CYP4F2: variants seen among roughly 807,000 people sequenced by gnomAD.
CYP4F2 encodes cytochrome P450 family 4 subfamily F member 2, also known as cytochrome P450 4F2.
Under a neutral mutation model 58.9 loss-of-function variants are expected in CYP4F2, and 58 were observed. That is an observed-to-expected ratio of 0.98 (90% CI 0.80 to 1.23). The LOEUF (loss-of-function observed/expected upper bound fraction) is 1.23. Among genes scored for constraint, CYP4F2 ranks in the 50% most tolerant of loss-of-function variants. The pLI, the probability that CYP4F2 is intolerant of heterozygous loss-of-function variation, is 0.00. For synonymous variants in CYP4F2, 287 were observed against 261.1 expected (o/e 1.10, Z -0.95); for missense variants, 616 against 685.6 (o/e 0.90, Z 1.13).
chr19:15,897,322 AG>A, intron 2 of CYP4F2, 91 bp downstream of exon 2: 6 of 669,308 alleles, frequency 9.0e-6, no homozygotes, highest in East Asian at 4.1e-5. Context: ...CCCAGATCCC[AG>A]CCCACCCCTT....
intron 3 of CYP4F2, chr19:15,893,707 TG>T (rs1283992634): frequency 5.1e-6 from 1 of 194,764 alleles, no homozygotes; most frequent in Non-Finnish European, 1.2e-5. Context: ...ACCCCAGCTG[TG>T]GGCAAAGCTT....
rs183179207 is a variant in CYP4F2, at chr19:15,892,626, A to G, written c.344-44T>C. 121 of 1,600,626 alleles carry G rather than the reference A, an allele frequency of 7.6e-5. No homozygotes were observed. In the Admixed American group the frequency reaches 1.9e-3, roughly 24 times the overall value. ...ATCAGGGGCCATGGAGGCAGGTGAA[A>G]GAGGGACTTTGGGGGTGGGTGGAGG... is the stretch of plus-strand genomic sequence containing the variant. On this transcript the variant is annotated intron_variant, in intron 3 of 12. Transcript: ENST00000221700.
In CYP4F2 at chr19:15,892,556, A is replaced by G; in HGVS notation, c.370T>C (p.Phe124Leu). 1 of 1,614,158 alleles carries G rather than the reference A, an allele frequency of 6.2e-7. No homozygotes were observed. The highest frequency in any genetic ancestry group is 8.5e-7 in the Non-Finnish European group (1 of 1,180,018). ...SAAIAPKDKF[F>L]YSFLEPWLGD... The stretch of plus-strand genomic sequence containing the variant: ...AGCCAGGGCTCCAGGAAGCTGTAGA[A>G]GAACTTGTCCTTTGGTGCAATGGCA... The change falls in exon 4 of 13, where the codon TTC becomes CTC. Residue 124 changes from phenylalanine (F) to leucine (L), a missense_variant. Transcript: ENST00000221700.
chr19:15,878,662 T>C lies in CYP4F2; in HGVS notation c.*109A>G, dbSNP rs2089320559. On this transcript the variant is annotated 3_prime_UTR_variant, in exon 13 of 13. Transcript: ENST00000221700. ...TTGTCTCAATTATTTTGAGTAGATATCTAGGATGGAATACAGGACTGTGGA... is the reference window on the plus strand; with the variant it reads ...TTGTCTCAATTATTTTGAGTAGATACCTAGGATGGAATACAGGACTGTGGA... The C allele has an allele frequency of 1.8e-5, 25 of 1,361,166 alleles. 1 individual carries two copies. In the South Asian group the frequency reaches 3.7e-4, roughly 20 times the overall value. 84.3% of individuals were successfully genotyped at this position (1,361,166 alleles called of 1,614,324 possible).
At chr19:15,884,294 C>G (rs1444033901) in intron 9 of CYP4F2, among the ~76,000 whole-genome samples, 3 of 151,722 alleles carry the variant, frequency 2.0e-5, no homozygotes, top group Non-Finnish European at 4.4e-5. Flanking sequence ...CATGTGGGAG[C>G]TGAAAAAGTG....
At chr19:15,881,335 A>G (rs1341515814) in intron 9 of CYP4F2, among the ~76,000 whole-genome samples, 9 of 152,238 alleles carry the variant, frequency 5.9e-5, no homozygotes, top group African/African-American at 2.2e-4. Context: ...TCGAGTGAAA[A>G]CAAGTTACAA....
At chr19:15,884,581 A>T (rs2089364831) in intron 9 of CYP4F2, among the ~76,000 whole-genome samples, 1 of 152,234 alleles carries the variant, frequency 6.6e-6, no homozygotes, top group African/African-American at 2.4e-5. Context: ...GTATTAGATT[A>T]TCACATGTAT....
chr19:15,884,233 G>T (rs1181017775), intron 9 of CYP4F2, among the ~76,000 whole-genome samples: 1 of 152,100 alleles, frequency 6.6e-6, no homozygotes, highest in South Asian at 2.1e-4. Flanking sequence ...GGTCACTGTG[G>T]TAAGTAAATA....
At position 15,892,447 on chromosome 19, in the gene CYP4F2, A is replaced by C; in HGVS notation, c.398-11T>G. 2 of 1,614,204 alleles carry C rather than the reference A, an allele frequency of 1.2e-6. No individual in the cohort carries two copies. The highest frequency in any genetic ancestry group is 1.7e-6 in the Non-Finnish European group (2 of 1,180,024). On this transcript the variant is annotated splice_polypyrimidine_tract_variant and intron_variant, in intron 4 of 12. Transcript: ENST00000221700. ...GCAGGAGCCCATCCCCTAGCAGGGC[A>C]GCCAAGGGCCATGGGCAAGGACCTC...
Position 15,879,661 on chromosome 19 carries a change from G to A in CYP4F2, c.1257C>T (p.Ile419=), listed in dbSNP as rs1486432800. ...PDGRVIPKGI[I]CLISVFGTHH... ...GGGTTCCGAAAACACTGATGAGGCA[G>A]ATAATGCCTGTGGGAGAGAAGGGAG... is the stretch of plus-strand genomic sequence containing the variant. Residue 419 remains isoleucine, a synonymous_variant, in exon 11 of 13, where the codon ATC becomes ATT. Coordinates refer to ENST00000221700, the MANE Select transcript of CYP4F2 (RefSeq NM_001082.5). 6.2e-7 allele frequency: 1 copy of A among 1,614,220 alleles called. No homozygotes were observed. The highest frequency in any genetic ancestry group is 1.7e-5 in the Admixed American group (1 of 60,028).
In CYP4F2 at chr19:15,885,946, G is replaced by T. The variant is rs200373927; in HGVS notation, c.1093C>A (p.Arg365Ser). The T allele has an allele frequency of 7.4e-6, 12 of 1,613,806 alleles. No individual in the cohort carries two copies. The South Asian group carries it at 9.9e-5, about 13-fold the overall frequency. ...RQEVQELLKD[R>S]EPKEIEWDDL... is the part of the protein sequence containing the mutation. Reference sequence around the variant, plus strand: ...CACCATTCAATCTCTTTAGGCTCACGGTCCTTCAGAAGTTCTTGCACCTCC... The same window carrying T: ...CACCATTCAATCTCTTTAGGCTCACTGTCCTTCAGAAGTTCTTGCACCTCC... The change falls in exon 9 of 13, where the codon CGT becomes AGT. Residue 365 changes from arginine (R) to serine (S), a missense_variant. Transcript: ENST00000221700.
chr19:15,879,835 G>A lies in CYP4F2; in HGVS notation c.1178C>T (p.Pro393Leu), dbSNP rs1204517299. The change falls in exon 10 of 13, where the codon CCC becomes CTC. Residue 393 changes from proline to leucine, a missense_variant. By Grantham distance (98) the Pro-to-Leu change is moderately conservative. Coordinates refer to ENST00000221700, the MANE Select transcript of CYP4F2 (RefSeq NM_001082.5). ...ATGGCGGGAGATGACCGGGACTGGG[G>A]GATGCAGCCGCAGGCTCTCCTTCAT... is the stretch of plus-strand genomic sequence containing the variant. ...MCMKESLRLH[P>L]PVPVISRHVT... is the part of the protein sequence containing the mutation. 6.2e-7 allele frequency: 1 copy of A among 1,614,154 alleles called. No individual in the cohort carries two copies. The highest frequency in any genetic ancestry group is 1.1e-5 in the South Asian group (1 of 91,080).
chr19:15,892,951 T>C (rs2089425862), intron 3 of CYP4F2, among the ~76,000 whole-genome samples: 1 of 152,142 alleles, frequency 6.6e-6, no homozygotes, highest in Admixed American at 6.5e-5. Flanking sequence ...CTCTCTGACA[T>C]CTTCTGATAT....
Position 15,878,934 on chromosome 19 carries a change from T to A in CYP4F2, c.1400A>T (p.Asn467Ile). ...CATCGCGAACGTCTGCCCGATGCAG[T>A]TCCTAGGGGAGGGAGGTGGGAACTC... Reference protein sequence around the residue: ...AFIPFSAGPRNCIGQTFAMAE... With the variant: ...AFIPFSAGPRICIGQTFAMAE... Residue 467 changes from asparagine to isoleucine, a missense_variant and splice_region_variant, in exon 13 of 13, where the codon AAC becomes ATC. By Grantham distance (149) the Asn-to-Ile change is moderately radical (BLOSUM62 -3). Coordinates refer to ENST00000221700, the MANE Select transcript of CYP4F2 (RefSeq NM_001082.5). 1 of 1,613,100 alleles carries A rather than the reference T, an allele frequency of 6.2e-7. No individual in the cohort carries two copies. Among genetic ancestry groups the A allele is most frequent in the South Asian group, 1.1e-5 (1 of 90,964 alleles).
chr19:15,889,769 A>C lies in CYP4F2; in HGVS notation c.648-76T>G, dbSNP rs2089405977. The C allele has an allele frequency of 3.8e-6, 6 of 1,574,960 alleles. No individual in the cohort carries two copies. The African/African-American group carries it at 8.1e-5, about 21-fold the overall frequency. On this transcript the variant is annotated intron_variant, in intron 6 of 12. Transcript: ENST00000221700. ...CCAGGATCACCTCCCACCAGCAGCC[A>C]GGATCTACCTCCTATCAGTAAACAG...
At chr19:15,891,706 G>T (rs185145697) in intron 5 of CYP4F2, among the ~76,000 whole-genome samples, 1 of 152,278 alleles carries the variant, frequency 6.6e-6, no homozygotes, top group East Asian at 1.9e-4. Context: ...AACCCTGCCT[G>T]CATTGTGAAC....
Position 15,889,635 on chromosome 19 carries a change from G to A in CYP4F2, c.706C>T (p.His236Tyr). Residue 236 changes from histidine (H) to tyrosine (Y), a missense_variant, in exon 7 of 13, where the codon CAC becomes TAC. Transcript: ENST00000221700. Reference protein sequence around the residue: ...LELSALVSKRHHEILLHIDFL... With the variant: ...LELSALVSKRYHEILLHIDFL... ...TCAATATGCAGGAGGATCTCATGGTGTCTTTTTGATACAAGGGCACTGAGC... is the reference window on the plus strand; with the variant it reads ...TCAATATGCAGGAGGATCTCATGGTATCTTTTTGATACAAGGGCACTGAGC... 1 of 1,614,190 alleles carries A rather than the reference G, an allele frequency of 6.2e-7. No homozygotes were observed. Among genetic ancestry groups the A allele is most frequent in the Non-Finnish European group, 8.5e-7 (1 of 1,180,034 alleles).
At chr19:15,889,022 A>T (rs1314989712) in intron 7 of CYP4F2, among the ~76,000 whole-genome samples, 1 of 152,196 alleles carries the variant, frequency 6.6e-6, no homozygotes, top group Non-Finnish European at 1.5e-5. Context: ...AGATAAAAAG[A>T]CATACAGATA....
intron 7 of CYP4F2, among the ~76,000 whole-genome samples, chr19:15,888,905 T>C (rs2089399024): frequency 6.6e-6 from 1 of 151,624 alleles, no homozygotes; most frequent in Non-Finnish European, 1.5e-5. Flanking sequence ...GACACAGATA[T>C]ACACATACAC....
Sources: allele counts gnomAD v4.1 joint callset (sites outside exome capture counted in the v4.1 genomes callset), GRCh38; gene constraint gnomAD v4.1.1; transcripts MANE v1.5; gene names NCBI Gene and HGNC (gene_info 2026-07-23, HGNC 2026-07-21).